Variants in COQ6 observed in about 807,000 individuals in gnomAD.
COQ6 encodes the protein coenzyme Q6, monooxygenase, also known as ubiquinone biosynthesis monooxygenase COQ6, mitochondrial.
In COQ6, 45 loss-of-function variants were observed where a neutral mutation model predicts 55.5. That is an observed-to-expected ratio of 0.81 (90% CI 0.64 to 1.04). The LOEUF (loss-of-function observed/expected upper bound fraction) is 1.04, where lower values mean the gene tolerates loss of function less well. COQ6 is among the 50% of genes least tolerant of loss of function. COQ6 has a pLI of 0.00. For missense variants in COQ6, 550 were observed against 601.3 expected, an observed-to-expected ratio of 0.91 and a Z score of 0.89; for synonymous variants, 206 against 230.5, an observed-to-expected ratio of 0.89 and a Z score of 0.96.
upstream of COQ6, chr14:73,950,166 G>C: frequency 1.3e-6 from 2 of 1,579,658 alleles, no homozygotes; most frequent in South Asian, 2.2e-5. Context: ...GATCCATCCC[G>C]CCCGAGGAGG....
chr14:73,953,148 T>G (rs1297705817), intron 1 of COQ6, among the ~76,000 whole-genome samples: 1 of 152,222 alleles, frequency 6.6e-6, no homozygotes, highest in African/African-American at 2.4e-5. Context: ...ACTTCATTTT[T>G]CCTTTCTAGG....
intron 8 of COQ6, 193 bp downstream of exon 8, chr14:73,959,715 A>G: frequency 8.5e-7 from 1 of 1,174,150 alleles, no homozygotes; most frequent in Non-Finnish European, 1.2e-6. Context: ...GACTACAGGC[A>G]CGTGCCACCA....
chr14:73,960,465 A>T, intron 8 of COQ6: 6 of 992,804 alleles, frequency 6.0e-6, no homozygotes, highest in Non-Finnish European at 6.0e-6. Context: ...ACTGCTCTGT[A>T]GTAGCAACAA....
At chr14:73,950,146 GGCA>G, upstream of COQ6, 1 of 1,593,738 alleles carries the variant, frequency 6.3e-7, no homozygotes, top group Non-Finnish European at 8.5e-7. Flanking sequence ...TGGCTTCCAG[GGCA>G]GCCTCCGATC....
Position 73,954,960 on chromosome 14 carries a change from T to A in COQ6, c.299-491T>A, listed in dbSNP as rs1255211175. On this transcript the variant is annotated intron_variant, in intron 2 of 11. Transcript: ENST00000334571. The stretch of plus-strand genomic sequence containing the variant: ...TCTTTTTTTTTTTTATTTTATTTTT[T>A]TTTTTTTTTGAGACGGAGTCTCGCT... Among the ~76,000 whole-genome samples the A allele has an allele frequency of 3.6e-3, 517 of 144,452 alleles. 4 individuals carry two copies. Among genetic ancestry groups the A allele is most frequent in the African/African-American group, 9.2e-3 (357 of 38,628 alleles). 94.8% of individuals were successfully genotyped at this position (144,452 alleles called of 152,430 possible). A position where few individuals can be genotyped will look rare whatever the true frequency, so the allele number is the denominator to read the frequency against.
rs1191372959 is a variant in COQ6, at chr14:73,954,953, TA to T, written c.299-497del. ...AGCTGAGTCTTTTTTTTTTTTATTTTATTTTTTTTTTTTTTTGAGACGGAGT... is the reference window on the plus strand; with the variant it reads ...AGCTGAGTCTTTTTTTTTTTTATTTTTTTTTTTTTTTTTTTGAGACGGAGT... On this transcript the variant is annotated intron_variant, in intron 2 of 11. Transcript: ENST00000334571. Among the ~76,000 whole-genome samples, 524 of 124,700 alleles carry T rather than the reference TA, an allele frequency of 4.2e-3. 3 individuals carry two copies. Among genetic ancestry groups the T allele is most frequent in the South Asian group, 0.012 (40 of 3,276 alleles). 81.8% of individuals were successfully genotyped at this position (124,700 alleles called of 152,430 possible). A position where few individuals can be genotyped will look rare whatever the true frequency, so the allele number is the denominator to read the frequency against.
At chr14:73,950,649 GA>G (rs1003345861) in intron 1 of COQ6, 154 bp downstream of exon 1, 3 of 1,172,192 alleles carry the variant, frequency 2.6e-6, no homozygotes, top group African/African-American at 1.5e-5. Flanking sequence ...GGGCACGCCG[GA>G]ATGCGTGTGG....
At chr14:73,956,196 C>T (rs1333618140) in intron 4 of COQ6, 20 of 380,726 alleles carry the variant, frequency 5.3e-5, no homozygotes, top group African/African-American at 1.9e-4. Context: ...GGCATGGTGG[C>T]GGGCGCCTAT....
At chr14:73,957,599 G>C (rs1172399485) in intron 4 of COQ6, among the ~76,000 whole-genome samples, 1 of 151,972 alleles carries the variant, frequency 6.6e-6, no homozygotes, top group Non-Finnish European at 1.5e-5. Flanking sequence ...CATCACGCCT[G>C]GTTAATTTTT....
rs770143781 is a variant in COQ6 at position 73,961,468 on chromosome 14, A to T, written c.1108A>T (p.Arg370Ter). 1.2e-6 allele frequency: 2 copies of T among 1,614,106 alleles called. No homozygotes were observed. The highest frequency in any genetic ancestry group is 1.7e-6 in the Non-Finnish European group (2 of 1,180,048). Reference protein sequence around the residue: ...RVALIGDAAHRVHPLAGQGVN... With the variant: ...RVALIGDAAH ...CTTTATTCTTAGGGATGCAGCCCAC[A>T]GAGTCCATCCGCTTGCAGGACAGGG... Residue 370 changes from arginine to a stop codon, truncating the protein, a stop_gained, in exon 10 of 12, where the codon AGA becomes TGA. Coordinates refer to ENST00000334571, the MANE Select transcript of COQ6 (RefSeq NM_182476.3). LOFTEE classifies it high-confidence loss of function.
At chr14:73,953,692 GA>G in intron 2 of COQ6, 123 bp downstream of exon 2, 3 of 1,309,174 alleles carry the variant, frequency 2.3e-6, no homozygotes, top group Non-Finnish European at 3.3e-6. Flanking sequence ...TGGGTGGAGA[GA>G]GGGGGTGGGA....
chr14:73,959,497 T>A lies in COQ6; in HGVS notation c.866T>A (p.Phe289Tyr), dbSNP rs747865554. Reference protein sequence around the residue: ...AELVSMDEEKFVDAVNSAFWS... With the variant: ...AELVSMDEEKYVDAVNSAFWS... ...CTAGTTAGCATGGATGAGGAAAAATTTGTGGATGCCGTTAACTCTGCCTTT... is the reference window on the plus strand; with the variant it reads ...CTAGTTAGCATGGATGAGGAAAAATATGTGGATGCCGTTAACTCTGCCTTT... Residue 289 changes from phenylalanine (F) to tyrosine (Y), a missense_variant, in exon 8 of 12, where the codon TTT becomes TAT. Coordinates refer to ENST00000334571, the MANE Select transcript of COQ6 (RefSeq NM_182476.3). 1 of 1,614,050 alleles carries A rather than the reference T, an allele frequency of 6.2e-7. No individual in the cohort carries two copies. Among genetic ancestry groups the A allele is most frequent in the African/African-American group, 1.3e-5 (1 of 74,910 alleles).
chr14:73,959,939 T>G, intron 8 of COQ6: 1 of 1,147,990 alleles, frequency 8.7e-7, no homozygotes, highest in South Asian at 2.1e-5. Flanking sequence ...GTAACTATAA[T>G]GCTTGGTCTA....
chr14:73,950,464 C>T lies in COQ6; in HGVS notation c.132C>T (p.Gly44=), dbSNP rs1594782670. ...TVYDVVVSGG[G]LVGAAMACAL... is the part of the protein sequence containing the mutation. Reference sequence around the variant, plus strand: ...ATGACGTGGTGGTGTCGGGTGGAGGCCTGGTGGGCGCTGCCATGGCCTGTG... The same window carrying T: ...ATGACGTGGTGGTGTCGGGTGGAGGTCTGGTGGGCGCTGCCATGGCCTGTG... The change falls in exon 1 of 12, where the codon GGC becomes GGT. Residue 44 remains glycine (G), a synonymous_variant. Coordinates refer to ENST00000334571, the MANE Select transcript of COQ6 (RefSeq NM_182476.3). 1 of 1,609,398 alleles carries T rather than the reference C, an allele frequency of 6.2e-7. No individual in the cohort carries two copies. Among genetic ancestry groups the T allele is most frequent in the African/African-American group, 1.3e-5 (1 of 74,820 alleles).
Position 73,958,038 on chromosome 14 carries a change from G to A in COQ6, c.482-109G>A, listed in dbSNP as rs10151933. The A allele has an allele frequency of 2.9e-3, 2,514 of 869,542 alleles. 41 individuals carry two copies. The African/African-American group carries it at 0.037, about 13-fold the overall frequency. 53.9% of individuals were successfully genotyped at this position (869,542 alleles called of 1,614,324 possible). ...ATTACTGATTTTTTTAATCTTAAAT[G>A]ACAAGACACTGCTGTCCTGGGACCT... is the stretch of plus-strand genomic sequence containing the variant. On this transcript the variant is annotated intron_variant, in intron 4 of 11. Coordinates refer to ENST00000334571, the MANE Select transcript of COQ6 (RefSeq NM_182476.3).
chr14:73,952,590 C>T lies in COQ6; in HGVS notation c.164-845C>T, dbSNP rs546075276. ...GTCTCGCCATGTTGCCCAGGCTGGT[C>T]TTGAATTCCTAGGCTTGAGCAATCC... On this transcript the variant is annotated intron_variant, in intron 1 of 11. Coordinates refer to ENST00000334571, the MANE Select transcript of COQ6 (RefSeq NM_182476.3). Among the ~76,000 whole-genome samples the T allele has an allele frequency of 3.3e-5, 5 of 152,046 alleles. No individual in the cohort carries two copies. In the South Asian group the frequency reaches 1.0e-3, roughly 32 times the overall value.
At chr14:73,950,571 A>C in intron 1 of COQ6, 76 bp downstream of exon 1, 1 of 1,518,364 alleles carries the variant, frequency 6.6e-7, no homozygotes. Flanking sequence ...GAGCCCTAGC[A>C]CGACTTGCCC....
At chr14:73,950,052 CAGTGACAGCGATAGTGGCAGCAGCGGT>C, upstream of COQ6, 1 of 1,610,690 alleles carries the variant, frequency 6.2e-7, no homozygotes, top group Non-Finnish European at 8.5e-7. Context: ...GCAGCAGCGA[CAGTGACAGCGATAGTGGCAGCAGCGGT>C]GGCAGCGAGA....
chr14:73,955,799 T>A lies in COQ6; in HGVS notation c.358-6T>A. On this transcript the variant is annotated splice_region_variant and splice_polypyrimidine_tract_variant and intron_variant, in intron 3 of 11. Coordinates refer to ENST00000334571, the MANE Select transcript of COQ6 (RefSeq NM_182476.3). ...TTTAATGCAGACTTTCCTTTTGTGT[T>A]TCCAGGTGTGGGACGCCTGCTCAGA... 6.2e-7 allele frequency: 1 copy of A among 1,614,212 alleles called. No homozygotes were observed. The highest frequency in any genetic ancestry group is 8.5e-7 in the Non-Finnish European group (1 of 1,180,024).
Sources: gnomAD v4.1 joint callset for allele counts (sites outside exome capture counted in the v4.1 genomes callset) on GRCh38, gnomAD v4.1.1 for gene constraint, MANE v1.5 for transcripts, NCBI Gene and HGNC (gene_info 2026-07-23, HGNC 2026-07-21) for gene names.